The following SEMA3A variants were observed in gnomAD, a reference collection of about 807,000 sequenced individuals.
SEMA3A encodes semaphorin 3A, also known as semaphorin-3A.
SEMA3A carries 29 observed loss-of-function variants against 97.9 expected under a neutral mutation model. The observed-to-expected ratio is 0.30, with a 90% CI of 0.22 to 0.40. The LOEUF (loss-of-function observed/expected upper bound fraction) is 0.40, where lower values mean the gene tolerates loss of function less well. Ranked by LOEUF, SEMA3A falls within the 10% of genes least tolerant of loss-of-function variation. The probability of loss-of-function intolerance (pLI) is 1.00; values close to 1 mark genes in which losing one functional copy is unlikely to be tolerated. For synonymous variants in SEMA3A, 321 were observed against 323.7 expected, an observed-to-expected ratio of 0.99 and a Z score of 0.09; for missense variants, 763 against 951.3, an observed-to-expected ratio of 0.80 and a Z score of 2.60.
intron 3 of SEMA3A, among the ~76,000 whole-genome samples, chr7:84,120,777 T>C (rs1322212117): frequency 6.6e-6 from 1 of 152,244 alleles, no homozygotes; most frequent in Non-Finnish European, 1.5e-5. Context: ...TCTGGGGTTT[T>C]ACCCTATTTG....
upstream of SEMA3A, among the ~76,000 whole-genome samples, chr7:84,196,458 A>AG (rs1368171481): frequency 6.6e-6 from 1 of 152,032 alleles, no homozygotes. Flanking sequence ...GGATTTAAAG[A>AG]GGGGGAGAAT....
At chr7:84,397,487 TATACA>T (rs754392080) in intron 1 of SEMA3A, among the ~76,000 whole-genome samples, 3 of 148,410 alleles carry the variant, frequency 2.0e-5, no homozygotes, top group South Asian at 2.1e-4. Flanking sequence ...ATATAACATG[TATACA>T]ATACATGTTA....
chr7:84,433,309 G>A (rs886264778), intron 1 of SEMA3A, among the ~76,000 whole-genome samples: 3 of 144,922 alleles, frequency 2.1e-5, no homozygotes, highest in Non-Finnish European at 3.0e-5. Flanking sequence ...TCTCACTTAT[G>A]AGTGAGAACA....
intron 3 of SEMA3A, among the ~76,000 whole-genome samples, chr7:84,268,262 T>TGA (rs1279557787): frequency 6.6e-6 from 1 of 150,546 alleles, no homozygotes; most frequent in Non-Finnish European, 1.5e-5. Context: ...TGTGTGTGTG[T>TGA]GTGTGTGTGT....
intron 6 of SEMA3A, among the ~76,000 whole-genome samples, chr7:84,016,469 C>T (rs1791105466): frequency 1.3e-5 from 2 of 150,058 alleles, no homozygotes; most frequent in African/African-American, 2.5e-5. Context: ...ACCCGGGAGG[C>T]GGAGCTTGCA....
At chr7:84,472,712 G>A (rs1806184950) in intron 1 of SEMA3A, among the ~76,000 whole-genome samples, 1 of 152,088 alleles carries the variant, frequency 6.6e-6, no homozygotes, top group African/African-American at 2.4e-5. Flanking sequence ...ACAATATCCT[G>A]CTCTTAAACT....
chr7:84,424,660 A>G (rs1184178018), intron 1 of SEMA3A, among the ~76,000 whole-genome samples: 17 of 94,394 alleles, frequency 1.8e-4, no homozygotes, highest in Non-Finnish European at 2.4e-4. Flanking sequence ...TATATATTAT[A>G]TAATATGTTA....
At chr7:84,141,161 C>T (rs2116072052) in intron 1 of SEMA3A, among the ~76,000 whole-genome samples, 1 of 152,250 alleles carries the variant, frequency 6.6e-6, no homozygotes, top group African/African-American at 2.4e-5. Context: ...GGGGCCAATA[C>T]CAATGGGCAT....
chr7:84,173,902 CAT>C lies in SEMA3A; in HGVS notation c.112+20571_112+20572del, dbSNP rs1246729325. ...AGTCAGAACCCTATTGTGAACTGCACATGTGAGGGACCTAGGTTGCATGCTCC... is the reference window on the plus strand; with the variant it reads ...AGTCAGAACCCTATTGTGAACTGCACGTGAGGGACCTAGGTTGCATGCTCC... On this transcript the variant is annotated intron_variant, in intron 1 of 16. Transcript: ENST00000265362. Among the ~76,000 whole-genome samples, 4 of 152,222 alleles carry C rather than the reference CAT, an allele frequency of 2.6e-5. No homozygotes were observed. In the South Asian group the frequency reaches 8.3e-4, roughly 32 times the overall value.
intron 4 of SEMA3A, among the ~76,000 whole-genome samples, chr7:84,067,002 C>T (rs1412577598): frequency 6.6e-6 from 1 of 151,648 alleles, no homozygotes; most frequent in Non-Finnish European, 1.5e-5. Flanking sequence ...GGAGGCATCA[C>T]ACTACCTGAC....
intron 3 of SEMA3A, among the ~76,000 whole-genome samples, chr7:84,220,171 A>C (rs1021719456): frequency 2.6e-5 from 4 of 152,208 alleles, no homozygotes; most frequent in African/African-American, 4.8e-5. Context: ...CAGCAGGAGT[A>C]GAATCTATTT....
At chr7:84,406,593 CA>C (rs147679433) in intron 1 of SEMA3A, among the ~76,000 whole-genome samples, 16,990 of 150,332 alleles carry the variant, frequency 0.11, 1,188 homozygotes, top group East Asian at 0.28. Flanking sequence ...AGAGACACAA[CA>C]AAAAAAAAGA....
At chr7:84,374,145 T>C (rs931687478) in intron 1 of SEMA3A, among the ~76,000 whole-genome samples, 4 of 152,202 alleles carry the variant, frequency 2.6e-5, no homozygotes, top group African/African-American at 9.6e-5. Context: ...ATGCAAACTT[T>C]AAGACACTGC....
chr7:83,984,762 C>G (rs1360935887), intron 13 of SEMA3A, among the ~76,000 whole-genome samples: 2 of 151,882 alleles, frequency 1.3e-5, no homozygotes, highest in Non-Finnish European at 2.9e-5. Flanking sequence ...TCTGAAGTGT[C>G]TTGCCAAAGC....
intron 6 of SEMA3A, among the ~76,000 whole-genome samples, chr7:84,016,070 T>C (rs932152804): frequency 1.3e-5 from 2 of 152,000 alleles, no homozygotes; most frequent in Non-Finnish European, 2.9e-5. Context: ...TATATATATA[T>C]TATATATGTA....
At position 84,486,774 on chromosome 7, in the gene SEMA3A, G is replaced by T. The variant is rs536959635; in HGVS notation, c.-246+5686C>A. On this transcript the variant is annotated intron_variant, in intron 1 of 3. Transcript: ENST00000424555. ...ATAATTATAAACACAGAAATGCATC[G>T]CATAGTTAATAGCATTTATTTCAGG... Among the ~76,000 whole-genome samples, 19 of 152,116 alleles carry T rather than the reference G, an allele frequency of 1.2e-4. No homozygotes were observed. In the East Asian group the frequency reaches 3.5e-3, roughly 28 times the overall value.
At chr7:84,300,989 A>C (rs1000844093) in intron 3 of SEMA3A, among the ~76,000 whole-genome samples, 4 of 152,132 alleles carry the variant, frequency 2.6e-5, no homozygotes, top group African/African-American at 9.7e-5. Flanking sequence ...ATAGATTTAG[A>C]AATTAATAGT....
chr7:84,362,420 A>G (rs1430574836), intron 2 of SEMA3A, among the ~76,000 whole-genome samples: 1 of 152,006 alleles, frequency 6.6e-6, no homozygotes, highest in African/African-American at 2.4e-5. Context: ...TTATAGTTTC[A>G]TCGTCAATAT....
rs1790470488 is a variant in SEMA3A, at chr7:84,001,940, T to G, written c.1452+15A>C. 6.3e-7 allele frequency: 1 copy of G among 1,579,516 alleles called. No individual in the cohort carries two copies. The highest frequency in any genetic ancestry group is 2.2e-5 in the East Asian group (1 of 44,504). ...CAACTGAACTTGTTGACACTTGAAA[T>G]TAAGCAGCACTCACCCGAAAAACTG... On this transcript the variant is annotated intron_variant, in intron 12 of 16. Coordinates refer to ENST00000265362, the MANE Select transcript of SEMA3A (RefSeq NM_006080.3).
Sources: gnomAD v4.1 joint callset for allele counts (sites outside exome capture counted in the v4.1 genomes callset) on GRCh38, gnomAD v4.1.1 for gene constraint, MANE v1.5 for transcripts, NCBI Gene and HGNC (gene_info 2026-07-23, HGNC 2026-07-21) for gene names.